PSD3: variants seen among roughly 807,000 people sequenced by gnomAD.
PSD3 encodes the protein pleckstrin and Sec7 domain containing 3, also known as PH and SEC7 domain-containing protein 3.
Under a neutral mutation model 105.5 loss-of-function variants are expected in PSD3, and 49 were observed. That is an observed-to-expected ratio of 0.46 (90% CI 0.37 to 0.59). The LOEUF (loss-of-function observed/expected upper bound fraction) is 0.59, where lower values mean the gene tolerates loss of function less well. Among genes scored for constraint, PSD3 ranks in the 20% least tolerant of loss-of-function variants. The pLI is 0.00. For missense variants in PSD3, 1,561 were observed against 1,263.8 expected (o/e 1.24, Z -3.57); for synonymous variants, 557 against 457.8 (o/e 1.22, Z -2.77).
At chr8:18,629,661 C>T (rs1806752231) in intron 11 of PSD3, among the ~76,000 whole-genome samples, 1 of 151,864 alleles carries the variant, frequency 6.6e-6, no homozygotes. Context: ...AAGTATAGGG[C>T]CCAAAGACAG....
chr8:18,712,260 G>A (rs1045627474), intron 9 of PSD3, among the ~76,000 whole-genome samples: 1 of 150,540 alleles, frequency 6.6e-6, no homozygotes, highest in Non-Finnish European at 1.5e-5. Flanking sequence ...CAGAAGACAA[G>A]ATATGACTAA....
At position 18,871,732 on chromosome 8, in the gene PSD3, T is replaced by C. The variant is rs755970461; in HGVS notation, c.1132A>G (p.Thr378Ala). ...TCATCAAGACGCACAGGGGAAAATG[T>C]CCCCGAGCTAGTGCCAGGCCTCTCT... The part of the protein sequence containing the change: ...PSERPGTSSG[T>A]FSPVRLDESG... The change falls in exon 3 of 16, where the codon ACA (threonine) becomes GCA (alanine). Residue 378 changes from threonine to alanine, a missense_variant. Coordinates refer to ENST00000327040, the MANE Select transcript of PSD3 (RefSeq NM_015310.4). 11 of 1,614,028 alleles carry C rather than the reference T, an allele frequency of 6.8e-6. No homozygotes were observed. The highest frequency in any genetic ancestry group is 1.3e-5 in the African/African-American group (1 of 74,914).
At chr8:18,660,676 G>A (rs1458281449) in intron 9 of PSD3, among the ~76,000 whole-genome samples, 5 of 152,158 alleles carry the variant, frequency 3.3e-5, no homozygotes, top group Non-Finnish European at 1.5e-5. Flanking sequence ...CAGCTCCTTG[G>A]ACGAGGAAAC....
intron 11 of PSD3, among the ~76,000 whole-genome samples, chr8:18,627,293 T>A (rs966019835): frequency 2.6e-5 from 4 of 151,994 alleles, no homozygotes; most frequent in Non-Finnish European, 4.4e-5. Flanking sequence ...AGTTTAGTGA[T>A]GCTGAGAGGG....
At chr8:19,017,113 T>C (rs1346791033), upstream of PSD3, among the ~76,000 whole-genome samples, 1 of 146,884 alleles carries the variant, frequency 6.8e-6, no homozygotes, top group Non-Finnish European at 1.5e-5. Context: ...AGTACAGTGG[T>C]GCAATCACAG....
chr8:18,805,573 C>T (rs768328440), intron 4 of PSD3, among the ~76,000 whole-genome samples: 11 of 152,166 alleles, frequency 7.2e-5, no homozygotes, highest in Non-Finnish European at 1.2e-4. Flanking sequence ...AATATGGAAT[C>T]TAAATTTGTG....
intron 4 of PSD3, chr8:18,849,306 T>C (rs1815374177): frequency 6.6e-6 from 1 of 152,212 alleles, no homozygotes; most frequent in African/African-American, 2.4e-5. Context: ...TTCTATATGA[T>C]GAAACTTCGG....
At chr8:18,890,191 C>T (rs1818699634) in intron 2 of PSD3, among the ~76,000 whole-genome samples, 1 of 151,890 alleles carries the variant, frequency 6.6e-6, no homozygotes, top group Non-Finnish European at 1.5e-5. Context: ...ACAATAATTC[C>T]TTATGTAAAG....
intron 9 of PSD3, among the ~76,000 whole-genome samples, chr8:18,727,358 A>AAT (rs1360440383): frequency 6.7e-6 from 1 of 148,702 alleles, no homozygotes. Context: ...AAAAAAAAAA[A>AAT]ATGAGCCAGG....
At chr8:18,902,422 T>C (rs540226169) in intron 2 of PSD3, among the ~76,000 whole-genome samples, 1 of 152,260 alleles carries the variant, frequency 6.6e-6, no homozygotes, top group Non-Finnish European at 1.5e-5. Context: ...ATTGTCTCTC[T>C]TTTCTGTTTT....
At chr8:18,633,920 G>C (rs1807074958) in intron 10 of PSD3, among the ~76,000 whole-genome samples, 1 of 152,002 alleles carries the variant, frequency 6.6e-6, no homozygotes, top group Non-Finnish European at 1.5e-5. Context: ...AGCCCCACTG[G>C]CATCTGTTAA....
chr8:18,895,306 A>G (rs1200124744), intron 2 of PSD3, among the ~76,000 whole-genome samples: 1 of 152,178 alleles, frequency 6.6e-6, no homozygotes, highest in Non-Finnish European at 1.5e-5. Context: ...TCCCTGAAAA[A>G]CTAGCTCATG....
chr8:19,073,984 G>C (rs1052234008), intron 1 of PSD3, among the ~76,000 whole-genome samples: 1 of 151,892 alleles, frequency 6.6e-6, no homozygotes, highest in Non-Finnish European at 1.5e-5. Context: ...TAGAGACGAG[G>C]TTTCACCGTG....
At position 18,936,182 on chromosome 8, in the gene PSD3, A is replaced by T. The variant is rs772939907; in HGVS notation, c.22-40T>A. On this transcript the variant is annotated intron_variant, in intron 1 of 15. Transcript: ENST00000327040. Reference sequence around the variant, plus strand: ...CAAAACAAAGACACATTTAAAATACATCATTAAAAAACACATCATAAAACA... The same window carrying T: ...CAAAACAAAGACACATTTAAAATACTTCATTAAAAAACACATCATAAAACA... 6 of 1,324,708 alleles carry T rather than the reference A, an allele frequency of 4.5e-6. No homozygotes were observed. In the Admixed American group the frequency reaches 1.0e-4, roughly 23 times the overall value. 82.1% of individuals were successfully genotyped at this position (1,324,708 alleles called of 1,614,324 possible).
chr8:18,752,565 TTA>T (rs1393825248), intron 9 of PSD3, among the ~76,000 whole-genome samples: 3 of 77,474 alleles, frequency 3.9e-5, no homozygotes, highest in East Asian at 3.7e-4. Context: ...ATTATATATA[TTA>T]TATATATAAT....
chr8:18,741,756 A>G (rs992777113), intron 9 of PSD3, among the ~76,000 whole-genome samples: 1 of 150,840 alleles, frequency 6.6e-6, no homozygotes, highest in Non-Finnish European at 1.5e-5. Flanking sequence ...ACTGTGATAC[A>G]ACAATATGGG....
intron 9 of PSD3, among the ~76,000 whole-genome samples, chr8:18,727,736 C>T (rs917969957): frequency 3.3e-5 from 5 of 152,144 alleles, no homozygotes; most frequent in South Asian, 2.1e-4. Context: ...CAGTTACAGA[C>T]GAAAAGTCTC....
chr8:18,551,400 T>C (rs1800760420), intron 15 of PSD3, among the ~76,000 whole-genome samples: 1 of 152,254 alleles, frequency 6.6e-6, no homozygotes, highest in Non-Finnish European at 1.5e-5. Context: ...CTAATGACTT[T>C]GAATAGAATG....
chr8:18,923,804 T>C (rs1273764234), intron 2 of PSD3, among the ~76,000 whole-genome samples: 1 of 151,834 alleles, frequency 6.6e-6, no homozygotes, highest in African/African-American at 2.4e-5. Context: ...AGATGTGATG[T>C]CCACTGCTGT....
Sources: gnomAD v4.1 joint callset for allele counts (sites outside exome capture counted in the v4.1 genomes callset) on GRCh38, gnomAD v4.1.1 for gene constraint, MANE v1.5 for transcripts, NCBI Gene and HGNC (gene_info 2026-07-23, HGNC 2026-07-21) for gene names.